The following COL24A1 variants were observed in gnomAD, a reference collection of about 807,000 sequenced individuals.
COL24A1 encodes collagen type XXIV alpha 1 chain, also known as collagen alpha-1(XXIV) chain.
Under a neutral mutation model 253.9 loss-of-function variants are expected in COL24A1, and 224 were observed. The ratio of observed to expected loss-of-function variants is 0.88; its 90% CI spans 0.79 to 0.99. The LOEUF is 0.99. COL24A1 is among the 50% of genes least tolerant of loss of function. COL24A1 has a pLI of 0.00. For missense variants in COL24A1, 2,131 were observed against 2,068.5 expected (o/e 1.03, Z -0.59); for synonymous variants, 685 against 673.7 (o/e 1.02, Z -0.26).
intron 24 of COL24A1, among the ~76,000 whole-genome samples, chr1:85,922,372 T>A (rs1686617586): frequency 6.6e-6 from 1 of 152,112 alleles, no homozygotes; most frequent in Non-Finnish European, 1.5e-5. Context: ...ATTGTCAGAT[T>A]CACCAAGGTT....
intron 7 of COL24A1, among the ~76,000 whole-genome samples, chr1:86,076,085 G>A (rs1702224366): frequency 1.3e-5 from 2 of 152,160 alleles, no homozygotes; most frequent in Non-Finnish European, 2.9e-5. Context: ...AATCAAATAG[G>A]AAGAGAGGAA....
At chr1:86,103,310 A>T (rs140730466) in intron 5 of COL24A1, among the ~76,000 whole-genome samples, 17 of 152,242 alleles carry the variant, frequency 1.1e-4, no homozygotes, top group African/African-American at 4.1e-4. Context: ...AGACAGCCTA[A>T]CATTGAGTTT....
In COL24A1 at chr1:85,971,388, G is replaced by A. The variant is rs367668692; in HGVS notation, c.2370C>T (p.Leu790=). The change falls in exon 21 of 60, where the codon CTC becomes CTT. Residue 790 remains leucine, a synonymous_variant. Coordinates refer to ENST00000370571, the MANE Select transcript of COL24A1 (RefSeq NM_152890.7). ...GTCCAGGAGGTCCTCTATTTCCAAG[G>A]AGTCCCTATAAAAGCAATATAAATG... is the stretch of plus-strand genomic sequence containing the variant. ...GQNGPEGPKG[L]LGNRGPPGPP... The A allele has an allele frequency of 8.4e-5, 136 of 1,610,762 alleles. 1 individual carries two copies. The highest frequency in any genetic ancestry group is 1.0e-4 in the Non-Finnish European group (120 of 1,178,378).
At chr1:86,156,923 G>C (rs1388609354), upstream of COL24A1, 1 of 152,338 alleles carries the variant, frequency 6.6e-6, no homozygotes, top group East Asian at 1.9e-4. Flanking sequence ...GTGCGAGGGG[G>C]CCGGTGGCAA....
chr1:85,964,214 A>T (rs1691345468), intron 23 of COL24A1, among the ~76,000 whole-genome samples: 1 of 152,156 alleles, frequency 6.6e-6, no homozygotes, highest in Non-Finnish European at 1.5e-5. Context: ...ACCAATTCTT[A>T]TAAGCTAGTT....
chr1:85,747,506 T>C (rs1292189002), intron 55 of COL24A1, among the ~76,000 whole-genome samples: 1 of 152,120 alleles, frequency 6.6e-6, no homozygotes, highest in Non-Finnish European at 1.5e-5. Flanking sequence ...CCATTATATG[T>C]TAATATAAAT....
chr1:86,120,209 T>C (rs1422145946), intron 3 of COL24A1, among the ~76,000 whole-genome samples: 1 of 152,178 alleles, frequency 6.6e-6, no homozygotes. Flanking sequence ...ACTTAGGCAA[T>C]ACCATTCAGG....
chr1:86,028,376 AC>A (rs1337207297), intron 14 of COL24A1, among the ~76,000 whole-genome samples: 1 of 152,212 alleles, frequency 6.6e-6, no homozygotes, highest in African/African-American at 2.4e-5. Flanking sequence ...CAAGGGCAGG[AC>A]CAGGTGGACA....
At chr1:86,069,526 G>C (rs975786937) in intron 7 of COL24A1, among the ~76,000 whole-genome samples, 2 of 152,126 alleles carry the variant, frequency 1.3e-5, no homozygotes, top group Non-Finnish European at 2.9e-5. Flanking sequence ...TGGGCCTGGG[G>C]AAAACTCATC....
At position 86,143,391 on chromosome 1, in the gene COL24A1, TA is replaced by T. The variant is rs1391053177; in HGVS notation, c.121+2727del. Among the ~76,000 whole-genome samples the T allele has an allele frequency of 4.6e-5, 7 of 152,124 alleles. No homozygotes were observed. In the East Asian group the frequency reaches 1.2e-3, roughly 25 times the overall value. On this transcript the variant is annotated intron_variant, in intron 2 of 59. Transcript: ENST00000370571. ...TTTCAAAATATCTGAGATTTAGTGA[TA>T]GTGACATAGAACATAAAGCAAACAG...
chr1:85,901,824 CAAAA>C (rs55862441), intron 28 of COL24A1, among the ~76,000 whole-genome samples: 2 of 57,786 alleles, frequency 3.5e-5, no homozygotes, highest in African/African-American at 7.0e-5. Context: ...GACTCCGTCT[CAAAA>C]AAAAAAAAAA....
chr1:85,737,578 T>TGA (rs759413827), intron 57 of COL24A1, 73 bp from the exon 58 acceptor site: 883 of 1,010,638 alleles, frequency 8.7e-4, no homozygotes, highest in Non-Finnish European at 1.0e-3. Context: ...TTTTTTTTTT[T>TGA]GAGAGAGAGA....
At chr1:86,101,811 A>G (rs1219651477) in intron 5 of COL24A1, among the ~76,000 whole-genome samples, 1 of 152,164 alleles carries the variant, frequency 6.6e-6, no homozygotes, top group African/African-American at 2.4e-5. Flanking sequence ...GAATTTTTGC[A>G]TCAATGTTCA....
At chr1:86,099,909 G>A (rs1704295329) in intron 5 of COL24A1, among the ~76,000 whole-genome samples, 1 of 151,930 alleles carries the variant, frequency 6.6e-6, no homozygotes, top group African/African-American at 2.4e-5. Flanking sequence ...AACACAATCA[G>A]AATAAAATCC....
At chr1:86,133,104 C>A (rs573570801) in intron 2 of COL24A1, among the ~76,000 whole-genome samples, 59 of 152,188 alleles carry the variant, frequency 3.9e-4, no homozygotes, top group Admixed American at 9.2e-4. Context: ...GTATTTTATT[C>A]TCTTTGAAGC....
chr1:85,906,256 T>C (rs1684803446), intron 28 of COL24A1, among the ~76,000 whole-genome samples: 1 of 148,602 alleles, frequency 6.7e-6, no homozygotes, highest in Non-Finnish European at 1.5e-5. Flanking sequence ...ACTGGAAAAC[T>C]GCAAGGTCTT....
intron 24 of COL24A1, chr1:85,960,800 C>T (rs915297805): frequency 3.1e-5 from 5 of 162,036 alleles, no homozygotes; most frequent in South Asian, 1.9e-4. Flanking sequence ...AGGAGAATCG[C>T]TTGAACCCGG....
intron 24 of COL24A1, among the ~76,000 whole-genome samples, chr1:85,924,452 C>T (rs1373016810): frequency 6.6e-6 from 1 of 152,198 alleles, no homozygotes. Context: ...TCCAGCAGCA[C>T]ATCAAAAAGC....
chr1:85,883,312 T>C (rs2170333), intron 32 of COL24A1, among the ~76,000 whole-genome samples: 151,098 of 151,898 alleles, frequency 0.99, 75,154 homozygotes, highest in Middle Eastern at 1. Context: ...CTCTGCCTCC[T>C]GGGTTCAAGA....
Sources: gnomAD v4.1 joint callset for allele counts (sites outside exome capture counted in the v4.1 genomes callset) on GRCh38, gnomAD v4.1.1 for gene constraint, MANE v1.5 for transcripts, NCBI Gene and HGNC (gene_info 2026-07-23, HGNC 2026-07-21) for gene names.